Variants in CNTFR observed in about 807,000 individuals in gnomAD.
The protein encoded by CNTFR is ciliary neurotrophic factor receptor.
In CNTFR, 12 loss-of-function variants were observed where a neutral mutation model predicts 40.4. The ratio of observed to expected loss-of-function variants is 0.30; its 90% CI spans 0.19 to 0.48. The LOEUF (loss-of-function observed/expected upper bound fraction) is 0.48. Ranked by LOEUF, CNTFR falls within the 20% of genes least tolerant of loss-of-function variation. The probability of loss-of-function intolerance (pLI) is 0.99; values close to 1 mark genes in which losing one functional copy is unlikely to be tolerated. For missense variants in CNTFR, 414 were observed against 506.8 expected (o/e 0.82, Z 1.76); for synonymous variants, 202 against 209.6 (o/e 0.96, Z 0.31).
chr9:34,572,395 T>C (rs1826705998), intron 2 of CNTFR, among the ~76,000 whole-genome samples: 1 of 152,076 alleles, frequency 6.6e-6, no homozygotes, highest in Admixed American at 6.5e-5. Flanking sequence ...CTGAGATAGA[T>C]GTGCAGGATA....
intron 2 of CNTFR, among the ~76,000 whole-genome samples, chr9:34,571,672 T>C (rs1826664346): frequency 6.6e-6 from 1 of 151,956 alleles, no homozygotes; most frequent in East Asian, 1.9e-4. Context: ...GGCCGGGCCC[T>C]GGGCCAACGG....
intron 1 of CNTFR, among the ~76,000 whole-genome samples, chr9:34,581,874 A>ATGTCTTTC (rs1827305038): frequency 6.6e-6 from 1 of 152,188 alleles, no homozygotes; most frequent in African/African-American, 2.4e-5. Context: ...CACCTGCACA[A>ATGTCTTTC]TGTCTTTCCC....
At chr9:34,571,648 T>C (rs1165192374) in intron 2 of CNTFR, among the ~76,000 whole-genome samples, 1 of 151,712 alleles carries the variant, frequency 6.6e-6, no homozygotes, top group Non-Finnish European at 1.5e-5. Context: ...ATCAGCCTGA[T>C]GAGTTACTGT....
chr9:34,569,139 G>A (rs1277872255), intron 2 of CNTFR, among the ~76,000 whole-genome samples, 158 bp from the exon 3 acceptor site: 3 of 152,206 alleles, frequency 2.0e-5, no homozygotes, highest in Admixed American at 6.5e-5. Context: ...CGACTGACAC[G>A]GAGTAGGAGG....
intron 2 of CNTFR, 33 bp from the exon 3 acceptor site, chr9:34,569,014 A>G (rs1398525319): frequency 6.5e-7 from 1 of 1,541,074 alleles, no homozygotes; most frequent in Non-Finnish European, 8.8e-7. Flanking sequence ...GGGAGGGGTC[A>G]GCATCAGCCC....
chr9:34,590,394 G>C (rs534706669), upstream of CNTFR, among the ~76,000 whole-genome samples: 3 of 152,120 alleles, frequency 2.0e-5, no homozygotes, highest in African/African-American at 4.8e-5. Context: ...AGAGGAACGC[G>C]AGCCAGAACC....
intron 7 of CNTFR, among the ~76,000 whole-genome samples, chr9:34,554,965 T>C (rs1825774830): frequency 1.3e-5 from 2 of 152,286 alleles, no homozygotes; most frequent in South Asian, 4.1e-4. Flanking sequence ...CACCTCAGTG[T>C]GGGGGTCAGT....
intron 2 of CNTFR, chr9:34,580,206 C>T (rs898400207): frequency 7.2e-5 from 11 of 152,232 alleles, no homozygotes; most frequent in Non-Finnish European, 2.9e-5. Context: ...CCCAAGGTAC[C>T]CCCCATAAAT....
upstream of CNTFR, chr9:34,589,946 G>A: frequency 6.6e-6 from 1 of 152,136 alleles, no homozygotes; most frequent in Non-Finnish European, 1.5e-5. This position sits in a 1 kb window ranked among gnomAD's most constrained non-coding sequence, Gnocchi z 4.4. Context: ...GCACGCTCTC[G>A]CTCCTGGCAC....
intron 2 of CNTFR, among the ~76,000 whole-genome samples, 191 bp from the exon 3 acceptor site, chr9:34,569,172 C>T (rs548955868): frequency 6.6e-6 from 1 of 152,320 alleles, no homozygotes; most frequent in East Asian, 1.9e-4. Context: ...AGGCAGGGAG[C>T]TTAGGAAGCC....
At chr9:34,570,652 AGTCAGACACACT>A (rs1477564707) in intron 2 of CNTFR, among the ~76,000 whole-genome samples, 1 of 152,158 alleles carries the variant, frequency 6.6e-6, no homozygotes, top group African/African-American at 2.4e-5. Flanking sequence ...TCAGACACAC[AGTCAGACACACT>A]GCCAGAGACA....
rs189358546 is a variant in CNTFR at position 34,552,913 on chromosome 9, C to A, written c.769-59G>T. 2,339 of 1,563,358 alleles carry A rather than the reference C, an allele frequency of 1.5e-3. 7 individuals carry two copies. Among genetic ancestry groups the A allele is most frequent in the Non-Finnish European group, 1.6e-3 (1,862 of 1,153,354 alleles). On this transcript the variant is annotated intron_variant, in intron 7 of 9. Transcript: ENST00000378980. The surrounding 1 kb of genome is among the most constrained non-coding windows in gnomAD (Gnocchi z 5.1). ...CACCTGGGGGCCAGGAGGGTGAGGT[C>A]CCTCCAGAGGAAGTGAGCATGCCTC...
rs372635857 is a variant in CNTFR at position 34,568,906 on chromosome 9, T to C, written c.76A>G (p.Ser26Gly). The C allele has an allele frequency of 3.8e-6, 6 of 1,592,824 alleles. No individual in the cohort carries two copies. The highest frequency in any genetic ancestry group is 1.7e-4 in the Middle Eastern group (1 of 6,054). ...AAAVVYAQRH[S>G]PQEAPHVQYE... is the part of the protein sequence containing the mutation. Reference sequence around the variant, plus strand: ...TCCCGTGAGCACTCACCCTGTGGACTGTGTCTCTGGGCGTAGACAACTGCG... The same window carrying C: ...TCCCGTGAGCACTCACCCTGTGGACCGTGTCTCTGGGCGTAGACAACTGCG... The change falls in exon 3 of 10, where the codon AGT (serine) becomes GGT (glycine). Residue 26 changes from serine to glycine, a missense_variant. Physicochemically the swap from Ser to Gly is moderately conservative, Grantham distance 56. This residue lies in a region of CNTFR where 250 missense variants were observed against 269.5 expected (regional missense o/e 0.93). Transcript: ENST00000378980.
chr9:34,556,144 C>A, intron 7 of CNTFR, 111 bp downstream of exon 7: 1 of 1,223,702 alleles, frequency 8.2e-7, no homozygotes. Context: ...CGCAGAGAGC[C>A]TGATGCATCA....
Position 34,589,471 on chromosome 9 carries a change from C to G in CNTFR, c.-112+84G>C, listed in dbSNP as rs1414822136. On this transcript the variant is annotated intron_variant, in intron 1 of 9. Coordinates refer to ENST00000378980, the MANE Select transcript of CNTFR (RefSeq NM_147164.3). The surrounding 1 kb of genome is among the most constrained non-coding windows in gnomAD (Gnocchi z 4.4). ...GGCCCACGGGTGTCCCCTCACTCTTCCCGCACGCATGAGGGCCGCCGGTCT... is the reference window on the plus strand; with the variant it reads ...GGCCCACGGGTGTCCCCTCACTCTTGCCGCACGCATGAGGGCCGCCGGTCT... The G allele has an allele frequency of 5.3e-5, 8 of 151,898 alleles. No homozygotes were observed. In the East Asian group the frequency reaches 1.4e-3, roughly 26 times the overall value. 9.4% of individuals were successfully genotyped at this position (151,898 alleles called of 1,614,324 possible).
Position 34,557,201 on chromosome 9 carries a change from G to C in CNTFR, c.604+325C>G, listed in dbSNP as rs1825880889. 6.6e-6 allele frequency among the ~76,000 whole-genome samples: 1 copy of C among 150,388 alleles called. No individual in the cohort carries two copies. Among genetic ancestry groups the C allele is most frequent in the Non-Finnish European group, 1.5e-5 (1 of 67,376 alleles). Reference sequence around the variant, plus strand: ...AGGAAGCCATTAGAGTTGGGGGGGGGTGCGGTGGAGGCTGCAGCTGCACAA... The same window carrying C: ...AGGAAGCCATTAGAGTTGGGGGGGGCTGCGGTGGAGGCTGCAGCTGCACAA... On this transcript the variant is annotated intron_variant, in intron 6 of 9. Transcript: ENST00000378980. This position sits in a 1 kb window ranked among gnomAD's most constrained non-coding sequence, Gnocchi z 4.2.
At position 34,552,133 on chromosome 9, in the gene CNTFR, C is replaced by T. The variant is rs1194686015; in HGVS notation, c.1118+28G>A. 1.3e-6 allele frequency: 2 copies of T among 1,592,534 alleles called. No homozygotes were observed. Among genetic ancestry groups the T allele is most frequent in the Non-Finnish European group, 1.7e-6 (2 of 1,169,788 alleles). On this transcript the variant is annotated intron_variant, in intron 9 of 9. Coordinates refer to ENST00000378980, the MANE Select transcript of CNTFR (RefSeq NM_147164.3). This position sits in a 1 kb window ranked among gnomAD's most constrained non-coding sequence, Gnocchi z 5.1. Reference sequence around the variant, plus strand: ...TGGAGTGGGGGTTCCCTCAGGCTCCCTCTGCCACCCAGCCTCACTCAACCT... The same window carrying T: ...TGGAGTGGGGGTTCCCTCAGGCTCCTTCTGCCACCCAGCCTCACTCAACCT...
chr9:34,552,305 G>T lies in CNTFR; in HGVS notation c.974C>A (p.Ser325Tyr). The T allele has an allele frequency of 6.5e-7, 1 of 1,541,900 alleles. No individual in the cohort carries two copies. Among genetic ancestry groups the T allele is most frequent in the East Asian group, 2.4e-5 (1 of 41,020 alleles). ...CTTCGTGGTAGGTGGGGGTGCCAGG[G>T]AGCTGGTGGTGCTGGTCGTGGTCTC... ...AAETTTSTTS[S>Y]LAPPPTTKIC... The change falls in exon 9 of 10, where the codon TCC becomes TAC. Residue 325 changes from serine to tyrosine, a missense_variant. Ser to Tyr is a moderately radical substitution (Grantham distance 144, BLOSUM62 -2). Coordinates refer to ENST00000378980, the MANE Select transcript of CNTFR (RefSeq NM_147164.3). The surrounding 1 kb of genome is among the most constrained non-coding windows in gnomAD (Gnocchi z 5.1).
At chr9:34,583,041 A>T (rs535779609) in intron 1 of CNTFR, among the ~76,000 whole-genome samples, 1 of 152,144 alleles carries the variant, frequency 6.6e-6, no homozygotes, top group Non-Finnish European at 1.5e-5. Context: ...ATTTCATCTG[A>T]TTAATAATAA....
Sources: allele counts gnomAD v4.1 joint callset (sites outside exome capture counted in the v4.1 genomes callset), GRCh38; gene constraint gnomAD v4.1.1; regional missense constraint gnomAD v4.1.1; non-coding constraint Gnocchi (gnomAD v3.1); transcripts MANE v1.5; gene names NCBI Gene and HGNC (gene_info 2026-07-23, HGNC 2026-07-21).